TOX2: variants seen among roughly 807,000 people sequenced by gnomAD.
TOX2 encodes the protein granulosa cell HMG box 1.
TOX2 carries 15 observed loss-of-function variants against 47.4 expected under a neutral mutation model. The observed-to-expected ratio is 0.32, with a 90% CI of 0.21 to 0.49. The LOEUF is 0.49. Among genes scored for constraint, TOX2 ranks in the 20% least tolerant of loss-of-function variants. TOX2 has a pLI of 0.99. For missense variants in TOX2, 622 were observed against 673.1 expected (o/e 0.92, Z 0.84); for synonymous variants, 290 against 296.6 (o/e 0.98, Z 0.23).
chr20:44,038,979 A>T, intron 3 of TOX2: 1 of 1,191,314 alleles, frequency 8.4e-7, no homozygotes, highest in East Asian at 5.8e-5. Context: ...GCGGGTGCAG[A>T]TGTGGCTCGG....
chr20:44,009,522 C>G (rs1226413784), intron 3 of TOX2, among the ~76,000 whole-genome samples: 1 of 152,214 alleles, frequency 6.6e-6, no homozygotes, highest in Non-Finnish European at 1.5e-5. Context: ...TTCAGACTCA[C>G]ACTGCCATGT....
At chr20:43,986,260 T>A (rs916203928) in intron 2 of TOX2, among the ~76,000 whole-genome samples, 2 of 150,572 alleles carry the variant, frequency 1.3e-5, no homozygotes, top group Non-Finnish European at 3.0e-5. Context: ...TTTTAAAATG[T>A]ATGTATGTAT....
chr20:43,963,389 C>A (rs577505216), intron 1 of TOX2, among the ~76,000 whole-genome samples: 1 of 152,330 alleles, frequency 6.6e-6, no homozygotes, highest in South Asian at 2.1e-4. Context: ...CCAGCTCCTG[C>A]GGCAGGCAGT....
chr20:43,929,229 G>T (rs1425749226), intron 1 of TOX2, among the ~76,000 whole-genome samples: 4 of 152,144 alleles, frequency 2.6e-5, no homozygotes, highest in African/African-American at 9.7e-5. Context: ...ATGGCTTTCT[G>T]TTGTAGCTTG....
At chr20:43,975,677 T>C (rs539948008) in intron 2 of TOX2, among the ~76,000 whole-genome samples, 2 of 152,300 alleles carry the variant, frequency 1.3e-5, no homozygotes, top group East Asian at 3.9e-4. Context: ...CTCATTAAAA[T>C]GGCACCAGGT....
chr20:44,051,236 G>A (rs1009316786), intron 3 of TOX2, 70 bp from the exon 4 acceptor site: 52 of 1,530,604 alleles, frequency 3.4e-5, no homozygotes, highest in South Asian at 3.2e-4. Flanking sequence ...CTCTAAGTCC[G>A]CTAGCACAGA....
Position 44,064,864 on chromosome 20 carries a change from C to G in TOX2, c.960+7C>G. 1 of 1,613,710 alleles carries G rather than the reference C, an allele frequency of 6.2e-7. No homozygotes were observed. The highest frequency in any genetic ancestry group is 8.5e-7 in the Non-Finnish European group (1 of 1,179,756). On this transcript the variant is annotated splice_region_variant and intron_variant, in intron 6 of 8. Coordinates refer to ENST00000341197, the MANE Select transcript of TOX2 (RefSeq NM_001098797.2). ...GGCTAGCCTCGTCTCCAAGGTAACA[C>G]CCGGAATCTCCAGGCACAGCCCTGA...
At chr20:43,946,463 C>T (rs1308943903) in intron 1 of TOX2, among the ~76,000 whole-genome samples, 2 of 152,134 alleles carry the variant, frequency 1.3e-5, no homozygotes, top group Non-Finnish European at 2.9e-5. Flanking sequence ...TGACAGGGGC[C>T]TTCCAAGAAG....
intron 1 of TOX2, among the ~76,000 whole-genome samples, chr20:43,952,838 C>T (rs893619186): frequency 6.6e-6 from 1 of 152,122 alleles, no homozygotes; most frequent in Non-Finnish European, 1.5e-5. Flanking sequence ...TGAATAATGA[C>T]CCCTAAGTAT....
At chr20:43,953,001 G>C (rs919004558) in intron 1 of TOX2, among the ~76,000 whole-genome samples, 1 of 152,132 alleles carries the variant, frequency 6.6e-6, no homozygotes, top group South Asian at 2.1e-4. Context: ...GTGAGGAGGG[G>C]TTGCAGAATC....
At chr20:44,054,683 C>T (rs2071586918) in intron 5 of TOX2, among the ~76,000 whole-genome samples, 157 bp downstream of exon 5, 1 of 152,190 alleles carries the variant, frequency 6.6e-6, no homozygotes, top group Admixed American at 6.5e-5. Context: ...AACTGGGAAG[C>T]TAGCTGCCTT....
intron 2 of TOX2, among the ~76,000 whole-genome samples, chr20:43,988,358 G>A (rs1167676138): frequency 1.3e-5 from 2 of 152,226 alleles, no homozygotes; most frequent in African/African-American, 4.8e-5. Context: ...CAACACACAT[G>A]CTTGTGTACA....
intron 1 of TOX2, among the ~76,000 whole-genome samples, chr20:43,971,471 C>A (rs1368493667): frequency 2.6e-5 from 4 of 152,156 alleles, no homozygotes; most frequent in African/African-American, 4.8e-5. Flanking sequence ...TGAGTGAAGG[C>A]GGCTGGGTAA....
At chr20:44,010,994 G>T (rs2145616904) in intron 3 of TOX2, among the ~76,000 whole-genome samples, 1 of 152,238 alleles carries the variant, frequency 6.6e-6, no homozygotes, top group East Asian at 1.9e-4. Context: ...GGCTCCTGGG[G>T]GTTGCTGGTC....
chr20:43,993,890 C>G (rs57146580), intron 2 of TOX2, among the ~76,000 whole-genome samples: 1 of 152,036 alleles, frequency 6.6e-6, no homozygotes, highest in Non-Finnish European at 1.5e-5. Context: ...CAGTAGCTCA[C>G]GCGTGTAATC....
intron 2 of TOX2, among the ~76,000 whole-genome samples, chr20:43,993,717 G>C (rs2070411865): frequency 6.6e-6 from 1 of 152,194 alleles, no homozygotes; most frequent in African/African-American, 2.4e-5. Context: ...TATAGCAATA[G>C]AGTTGAATAG....
chr20:43,955,460 G>A (rs925988139), intron 1 of TOX2, among the ~76,000 whole-genome samples: 3 of 152,314 alleles, frequency 2.0e-5, no homozygotes, highest in Non-Finnish European at 4.4e-5. Flanking sequence ...AAAGCTTAGG[G>A]CAGGGTGAGC....
chr20:44,058,047 AG>A (rs1212334926), intron 5 of TOX2, among the ~76,000 whole-genome samples: 1 of 148,508 alleles, frequency 6.7e-6, no homozygotes, highest in African/African-American at 2.6e-5. Flanking sequence ...CAGAGCACGG[AG>A]ACTCACATTG....
At position 44,050,165 on chromosome 20, in the gene TOX2, C is replaced by T. The variant is rs186669174; in HGVS notation, c.412-1141C>T. Among the ~76,000 whole-genome samples, 115 of 151,954 alleles carry T rather than the reference C, an allele frequency of 7.6e-4. 2 individuals carry two copies. In the East Asian group the frequency reaches 0.02, roughly 26 times the overall value. ...AGTGTATACATGCATCAAAACATAT[C>T]GTACATATAAATATATACAATTTGT... On this transcript the variant is annotated intron_variant, in intron 3 of 8. Transcript: ENST00000341197.
Sources: gnomAD v4.1 joint callset for allele counts (sites outside exome capture counted in the v4.1 genomes callset) on GRCh38, gnomAD v4.1.1 for gene constraint, MANE v1.5 for transcripts, NCBI Gene and HGNC (gene_info 2026-07-23, HGNC 2026-07-21) for gene names.